Variants in OR1L8 observed in about 807,000 individuals in gnomAD.
The protein encoded by OR1L8 is olfactory receptor 1L8.
For synonymous variants in OR1L8, 148 were observed against 147.0 expected, an observed-to-expected ratio of 1.01 and a Z score of -0.05; for missense variants, 330 against 377.4, an observed-to-expected ratio of 0.87 and a Z score of 1.04.
At chr9:122,569,438 T>TA (rs1229938496) in intron 4 of OR1L8, among the ~76,000 whole-genome samples, 13 of 152,362 alleles carry the variant, frequency 8.5e-5, no homozygotes, top group African/African-American at 2.2e-4. Flanking sequence ...CTTGCTACTA[T>TA]AAAAAAACTC....
the OR1L8 span, among the ~76,000 whole-genome samples, chr9:122,558,399 AT>A: frequency 8.7e-6 from 1 of 114,716 alleles, no homozygotes; most frequent in African/African-American, 3.4e-5. Context: ...GTTTGAGGGT[AT>A]TTACTTCTCT....
At position 122,567,435 on chromosome 9, in the gene OR1L8, C is replaced by T; in HGVS notation, c.*113G>A. 1 of 749,588 alleles carries T rather than the reference C, an allele frequency of 1.3e-6. No individual in the cohort carries two copies. The highest frequency in any genetic ancestry group is 2.2e-6 in the Non-Finnish European group (1 of 459,614). The allele number at this position is 749,588 out of a possible 1,614,324, so 46.4% of individuals were successfully genotyped here. A position where few individuals can be genotyped will look rare whatever the true frequency, so the allele number is the denominator to read the frequency against. ...GTAAGTGCCCACAATAGCCTTGTCT[C>T]ACATGGGTCAGAAGTGCTAGCTTCC... On this transcript the variant is annotated 3_prime_UTR_variant, in exon 5 of 5. Coordinates refer to ENST00000641027, the MANE Select transcript of OR1L8 (RefSeq NM_001004454.2).
intron 2 of OR1L8, 136 bp downstream of exon 2, chr9:122,578,188 C>G (rs142769261): frequency 6.6e-6 from 1 of 152,288 alleles, no homozygotes; most frequent in Admixed American, 6.5e-5. Flanking sequence ...CAGTGGCTCA[C>G]GCCTATAATC....
the OR1L8 span, among the ~76,000 whole-genome samples, chr9:122,550,016 G>A: frequency 6.6e-6 from 1 of 151,838 alleles, no homozygotes; most frequent in Non-Finnish European, 1.5e-5. Context: ...CCATTTATTC[G>A]TGTCATCTAA....
Position 122,576,884 on chromosome 9 carries a change from C to G in OR1L8, c.-460G>C, listed in dbSNP as rs1008633392. 2 of 152,050 alleles carry G rather than the reference C, an allele frequency of 1.3e-5. No individual in the cohort carries two copies. Among genetic ancestry groups the G allele is most frequent in the Non-Finnish European group, 2.9e-5 (2 of 68,026 alleles). The allele number at this position is 152,050 out of a possible 1,614,324, so 9.4% of individuals were successfully genotyped here. On this transcript the variant is annotated 5_prime_UTR_variant, in exon 3 of 5. Coordinates refer to ENST00000641027, the MANE Select transcript of OR1L8 (RefSeq NM_001004454.2). ...GGGGGGCAGTGGGTTGCCGTGTGAC[C>G]TCACTTCTCTGATGGATCTAAAAAG...
the OR1L8 span, among the ~76,000 whole-genome samples, chr9:122,546,439 C>T: frequency 3.3e-5 from 5 of 152,138 alleles, no homozygotes; most frequent in Non-Finnish European, 5.9e-5. Flanking sequence ...GCCTTGGTCT[C>T]TTAGAACGTT....
the OR1L8 span, among the ~76,000 whole-genome samples, chr9:122,550,796 C>T: frequency 6.6e-6 from 1 of 151,822 alleles, no homozygotes; most frequent in African/African-American, 2.4e-5. Flanking sequence ...CAGCATAATA[C>T]TGAATGGGGG....
chr9:122,579,456 C>T (rs1829711558), intron 1 of OR1L8, among the ~76,000 whole-genome samples: 1 of 152,102 alleles, frequency 6.6e-6, no homozygotes, highest in Admixed American at 6.5e-5. Flanking sequence ...GAATTGAAGT[C>T]ATTTCCTTGT....
intron 4 of OR1L8, among the ~76,000 whole-genome samples, chr9:122,569,368 A>T (rs1173374377): frequency 6.6e-6 from 1 of 151,636 alleles, no homozygotes; most frequent in Non-Finnish European, 1.5e-5. Flanking sequence ...ATTTTTTGGT[A>T]TATATATTTT....
the OR1L8 span, among the ~76,000 whole-genome samples, chr9:122,556,128 T>C: frequency 6.6e-6 from 1 of 152,200 alleles, no homozygotes; most frequent in Non-Finnish European, 1.5e-5. Flanking sequence ...AATCATACAG[T>C]ATATTGCCTT....
At chr9:122,553,840 T>G in the OR1L8 span, 9 of 1,613,962 alleles carry the variant, frequency 5.6e-6, no homozygotes, top group Non-Finnish European at 6.8e-6. Flanking sequence ...TTGCTGTTCC[T>G]CACTGTTCCC....
At chr9:122,549,363 T>C in the OR1L8 span, among the ~76,000 whole-genome samples, 11 of 152,134 alleles carry the variant, frequency 7.2e-5, no homozygotes, top group African/African-American at 1.4e-4. Flanking sequence ...TGCAGAACCA[T>C]GGGCCAAATA....
At chr9:122,553,471 A>G in the OR1L8 span, 7 of 1,613,954 alleles carry the variant, frequency 4.3e-6, no homozygotes, top group South Asian at 6.6e-5. Context: ...ATGCTGGCCA[A>G]CATTCATACC....
chr9:122,562,939 A>G (rs1007482626), downstream of OR1L8, among the ~76,000 whole-genome samples: 21 of 152,184 alleles, frequency 1.4e-4, no homozygotes, highest in African/African-American at 4.8e-4. Context: ...ATTTTGGTTG[A>G]TTCCATATCT....
the OR1L8 span, among the ~76,000 whole-genome samples, chr9:122,559,722 G>A: frequency 6.6e-6 from 1 of 152,112 alleles, no homozygotes; most frequent in African/African-American, 2.4e-5. Flanking sequence ...TGCATTTGCT[G>A]GGGAGTTTTT....
At chr9:122,578,915 A>C (rs1829702238) in intron 1 of OR1L8, among the ~76,000 whole-genome samples, 1 of 152,092 alleles carries the variant, frequency 6.6e-6, no homozygotes, top group Admixed American at 6.6e-5. Context: ...ACATGTAACC[A>C]AACACCACCT....
At chr9:122,581,628 T>C (rs552437431) in intron 1 of OR1L8, among the ~76,000 whole-genome samples, 3 of 148,768 alleles carry the variant, frequency 2.0e-5, no homozygotes, top group South Asian at 2.1e-4. Context: ...TTCACAGAGG[T>C]AAGCGAGTGC....
At chr9:122,553,987 TG>T in the OR1L8 span, 1 of 1,613,782 alleles carries the variant, frequency 6.2e-7, no homozygotes, top group South Asian at 1.1e-5. Flanking sequence ...GGGTCTCTTA[TG>T]GGTGTGTATT....
intron 4 of OR1L8, among the ~76,000 whole-genome samples, chr9:122,570,373 T>C (rs550769611): frequency 1.3e-5 from 2 of 152,360 alleles, no homozygotes; most frequent in East Asian, 3.9e-4. Context: ...GTATATTCTT[T>C]TACACATTGT....
Sources: allele counts gnomAD v4.1 joint callset (sites outside exome capture counted in the v4.1 genomes callset), GRCh38; gene constraint gnomAD v4.1.1; transcripts MANE v1.5; gene names NCBI Gene and HGNC (gene_info 2026-07-23, HGNC 2026-07-21).